Variants in TBC1D16 observed in about 807,000 individuals in gnomAD.
TBC1D16 encodes the protein CTD-2529O21.1.
A neutral mutation model predicts 74.7 loss-of-function variants in TBC1D16; 58 were observed. That is an observed-to-expected ratio of 0.78 (90% CI 0.63 to 0.97). TBC1D16 has a LOEUF of 0.97. Ranked by LOEUF, TBC1D16 falls within the 50% of genes least tolerant of loss-of-function variation. The pLI, the probability that TBC1D16 is intolerant of heterozygous loss-of-function variation, is 0.00. For missense variants in TBC1D16, 1,014 were observed against 1,079.5 expected, an observed-to-expected ratio of 0.94 and a Z score of 0.85; for synonymous variants, 493 against 474.7, an observed-to-expected ratio of 1.04 and a Z score of -0.50.
Position 79,934,162 on chromosome 17 carries a change from G to A in TBC1D16, c.*6697C>T, listed in dbSNP as rs1441165487. On this transcript the variant is annotated 3_prime_UTR_variant, in exon 12 of 12. Coordinates refer to ENST00000310924, the MANE Select transcript of TBC1D16 (RefSeq NM_019020.4). ...ACCTATGTTCTCTTGCCCGGCGTGG[G>A]TGACTACACAGTTGTCATTTACGGG... is the stretch of plus-strand genomic sequence containing the variant. 1 of 152,268 alleles carries A rather than the reference G, an allele frequency of 6.6e-6. No individual in the cohort carries two copies. Among genetic ancestry groups the A allele is most frequent in the Non-Finnish European group, 1.5e-5 (1 of 68,062 alleles). The allele number at this position is 152,268 out of a possible 1,614,324, so 9.4% of individuals were successfully genotyped here.
At chr17:80,021,108 C>T (rs2036267288) in intron 1 of TBC1D16, among the ~76,000 whole-genome samples, 1 of 149,926 alleles carries the variant, frequency 6.7e-6, no homozygotes, top group African/African-American at 2.5e-5. Context: ...CAAAATTAGA[C>T]AGGCATGGTG....
At position 79,950,816 on chromosome 17, in the gene TBC1D16, C is replaced by T. The variant is rs2032997579; in HGVS notation, c.1090-238G>A. On this transcript the variant is annotated intron_variant, in intron 5 of 11. Transcript: ENST00000310924. This position sits in a 1 kb window ranked among gnomAD's most constrained non-coding sequence, Gnocchi z 4.6. ...TCCTCCCCGGCCCACTGTGCCGCCG[C>T]CCCCCACTCTCTCCAACCCCAGCCG... 7.2e-6 allele frequency: 11 copies of T among 1,534,830 alleles called. No homozygotes were observed. Among genetic ancestry groups the T allele is most frequent in the Admixed American group, 2.0e-5 (1 of 50,878 alleles).
Position 80,001,058 on chromosome 17 carries a change from G to A in TBC1D16, c.779+9102C>T, listed in dbSNP as rs535730062. ...GGAGGGGACCAGTGCTCGGCTGGGCGCCTGCTTGGCTTCTCCGCCTGACAG... is the reference window on the plus strand; with the variant it reads ...GGAGGGGACCAGTGCTCGGCTGGGCACCTGCTTGGCTTCTCCGCCTGACAG... On this transcript the variant is annotated intron_variant, in intron 3 of 11. Coordinates refer to ENST00000310924, the MANE Select transcript of TBC1D16 (RefSeq NM_019020.4). The surrounding 1 kb of genome is among the most constrained non-coding windows in gnomAD (Gnocchi z 5.8). 1.8e-4 allele frequency among the ~76,000 whole-genome samples: 28 copies of A among 152,348 alleles called. No homozygotes were observed. The highest frequency in any genetic ancestry group is 3.5e-4 in the Non-Finnish European group (24 of 68,032).
At chr17:80,021,615 A>G (rs2036283989) in intron 1 of TBC1D16, among the ~76,000 whole-genome samples, 1 of 149,582 alleles carries the variant, frequency 6.7e-6, no homozygotes, top group Non-Finnish European at 1.5e-5. Flanking sequence ...AGATCACTAC[A>G]TACACACCAT....
At chr17:79,977,852 C>A (rs1299929315) in intron 3 of TBC1D16, among the ~76,000 whole-genome samples, 1 of 152,194 alleles carries the variant, frequency 6.6e-6, no homozygotes, top group Non-Finnish European at 1.5e-5. Flanking sequence ...CGGCTGTGCA[C>A]GGGAGGGCGA....
At chr17:80,003,069 G>A (rs193021969) in intron 3 of TBC1D16, among the ~76,000 whole-genome samples, 163 of 152,320 alleles carry the variant, frequency 1.1e-3, no homozygotes, top group African/African-American at 3.5e-3. Context: ...GGTGGGAAGC[G>A]GCTATGCTTG....
intron 3 of TBC1D16, among the ~76,000 whole-genome samples, chr17:79,957,772 G>A (rs1391256908): frequency 2.0e-5 from 3 of 151,694 alleles, no homozygotes; most frequent in Admixed American, 6.6e-5. Flanking sequence ...TGCGTGTGGT[G>A]GGGGAGGGGG....
intron 3 of TBC1D16, among the ~76,000 whole-genome samples, chr17:80,006,636 C>G (rs62074520): frequency 0.13 from 20,254 of 151,974 alleles, 1,429 homozygotes; most frequent in Middle Eastern, 0.17. Context: ...CTTTCAGAAT[C>G]CATGTCTGCT....
At chr17:80,034,894 AAAG>A (rs1225416748) in intron 1 of TBC1D16, among the ~76,000 whole-genome samples, 1 of 152,224 alleles carries the variant, frequency 6.6e-6, no homozygotes, top group Non-Finnish European at 1.5e-5. Context: ...ATTCCAGATA[AAAG>A]AATTAGGAGC....
In TBC1D16 at chr17:79,949,772, G is replaced by A; in HGVS notation, c.1351C>T (p.Arg451Trp). 1.9e-6 allele frequency: 3 copies of A among 1,613,536 alleles called. No individual in the cohort carries two copies. The highest frequency in any genetic ancestry group is 2.2e-5 in the East Asian group (1 of 44,858). ...CGCTTCTGCAGCCGCAGCGCCTCCC[G>A]CTCCTCCGACGTGGACTCGTGGCTG... ...YYSHESTSEEREALRLQKRKE... is the reference protein window; with the variant it reads ...YYSHESTSEEWEALRLQKRKE... The change falls in exon 7 of 12, where the codon CGG becomes TGG. Residue 451 changes from arginine (R) to tryptophan (W), a missense_variant. Arg to Trp is a moderately radical substitution (Grantham distance 101). Coordinates refer to ENST00000310924, the MANE Select transcript of TBC1D16 (RefSeq NM_019020.4).
At chr17:79,977,244 T>C (rs907757053) in intron 3 of TBC1D16, among the ~76,000 whole-genome samples, 3 of 152,130 alleles carry the variant, frequency 2.0e-5, no homozygotes, top group Admixed American at 6.5e-5. Flanking sequence ...GGAAGATGCA[T>C]GGAGCCCCGC....
chr17:80,024,514 C>CCACACACACCATACACACACCA (rs1384327350), intron 1 of TBC1D16, among the ~76,000 whole-genome samples: 2 of 134,120 alleles, frequency 1.5e-5, no homozygotes, highest in South Asian at 4.9e-4. Flanking sequence ...CATAGACAAA[C>CCACACACACCATACACACACCA]CACGCACACC....
chr17:80,018,186 A>AC (rs1355166320), intron 1 of TBC1D16, among the ~76,000 whole-genome samples: 1 of 151,996 alleles, frequency 6.6e-6, no homozygotes, highest in Admixed American at 6.6e-5. Flanking sequence ...AGCAAAAAAA[A>AC]AAAAAAAAGT....
At chr17:79,949,040 G>A (rs752789140) in intron 7 of TBC1D16, 34 bp from the exon 8 acceptor site, 17 of 1,612,840 alleles carry the variant, frequency 1.1e-5, no homozygotes, top group Admixed American at 5.0e-5. Context: ...CGGGGTCAGC[G>A]GGTGGCACCC....
At position 80,008,267 on chromosome 17, in the gene TBC1D16, A is replaced by G. The variant is rs1056122554; in HGVS notation, c.779+1893T>C. The stretch of plus-strand genomic sequence containing the variant: ...TGGATATTACCAGCCTCATCTTACA[A>G]ACAGGGAAACCGAGGCTCCAAGAAA... On this transcript the variant is annotated intron_variant, in intron 3 of 11. Transcript: ENST00000310924. The surrounding 1 kb of genome is among the most constrained non-coding windows in gnomAD (Gnocchi z 4.5). Among the ~76,000 whole-genome samples, 2 of 152,164 alleles carry G rather than the reference A, an allele frequency of 1.3e-5. No individual in the cohort carries two copies. The highest frequency in any genetic ancestry group is 4.8e-5 in the African/African-American group (2 of 41,424).
In TBC1D16 at chr17:79,950,737, G is replaced by C. The variant is rs1214391274; in HGVS notation, c.1090-159C>G. The C allele has an allele frequency of 6.5e-7, 1 of 1,536,902 alleles. No homozygotes were observed. Among genetic ancestry groups the C allele is most frequent in the Non-Finnish European group, 8.7e-7 (1 of 1,144,846 alleles). ...CCCTAAATGGCGAGTGTAATTAGGCGCAATTAAAATGAAAATACCTTCATC... is the reference window on the plus strand; with the variant it reads ...CCCTAAATGGCGAGTGTAATTAGGCCCAATTAAAATGAAAATACCTTCATC... On this transcript the variant is annotated intron_variant, in intron 5 of 11. Coordinates refer to ENST00000310924, the MANE Select transcript of TBC1D16 (RefSeq NM_019020.4). The surrounding 1 kb of genome is among the most constrained non-coding windows in gnomAD (Gnocchi z 4.6).
rs1598384419 is a variant in TBC1D16, at chr17:79,981,941, A to G, written c.779+28219T>C. On this transcript the variant is annotated intron_variant, in intron 3 of 11. Transcript: ENST00000310924. The surrounding 1 kb of genome is among the most constrained non-coding windows in gnomAD (Gnocchi z 6.9). ...CACACGCACACACACACACATGCAC[A>G]TGTATTAAAGCAAAAGTGAGATTGT... Among the ~76,000 whole-genome samples, 2 of 152,338 alleles carry G rather than the reference A, an allele frequency of 1.3e-5. No homozygotes were observed. Among genetic ancestry groups the G allele is most frequent in the East Asian group, 1.9e-4 (1 of 5,182 alleles).
At chr17:80,032,780 T>C (rs1459286679) in intron 1 of TBC1D16, among the ~76,000 whole-genome samples, 1 of 152,208 alleles carries the variant, frequency 6.6e-6, no homozygotes, top group Non-Finnish European at 1.5e-5. Flanking sequence ...TCCTCTGCGC[T>C]GTCACCTTCA....
chr17:80,007,022 GT>G lies in TBC1D16; in HGVS notation c.779+3137del, dbSNP rs143262509. On this transcript the variant is annotated intron_variant, in intron 3 of 11. Transcript: ENST00000310924. This position sits in a 1 kb window ranked among gnomAD's most constrained non-coding sequence, Gnocchi z 4.5. ...CAGCAGTCTGTCTTGGAGACAGGCT[GT>G]TTTCACTCCAGCCTTGCACTGAAGC... 0.033 allele frequency among the ~76,000 whole-genome samples: 4,990 copies of G among 152,306 alleles called. 118 individuals are homozygous for G. The highest frequency in any genetic ancestry group is 0.048 in the Non-Finnish European group (3,272 of 68,016).
Sources: gnomAD v4.1 joint callset for allele counts (sites outside exome capture counted in the v4.1 genomes callset) on GRCh38, gnomAD v4.1.1 for gene constraint, Gnocchi (gnomAD v3.1) non-coding constraint, MANE v1.5 for transcripts, NCBI Gene and HGNC (gene_info 2026-07-23, HGNC 2026-07-21) for gene names.